The following PGAP3 variants were observed in gnomAD, a reference collection of about 807,000 sequenced individuals.
PGAP3 encodes the protein post-GPI attachment to proteins phospholipase 3.
Under a neutral mutation model 40.3 loss-of-function variants are expected in PGAP3, and 31 were observed. The observed-to-expected ratio is 0.77, with a 90% confidence interval of 0.58 to 1.04. The LOEUF is 1.04. Among genes scored for constraint, PGAP3 ranks in the 50% least tolerant of loss-of-function variants. The probability of loss-of-function intolerance (pLI) is 0.00; values close to 1 mark genes in which losing one functional copy is unlikely to be tolerated. For missense variants in PGAP3, 413 were observed against 423.0 expected (o/e 0.98, Z 0.21); for synonymous variants, 191 against 184.5 (o/e 1.04, Z -0.29).
chr17:39,684,518 CTGT>C, intron 3 of PGAP3, 76 bp downstream of exon 3: 1 of 1,454,366 alleles, frequency 6.9e-7, no homozygotes, highest in Non-Finnish European at 9.2e-7. Context: ...AGTAGAAGCC[CTGT>C]TGGGTGTTAA....
chr17:39,678,332 G>A (rs2057400344), intron 3 of PGAP3, among the ~76,000 whole-genome samples: 1 of 152,210 alleles, frequency 6.6e-6, no homozygotes, highest in African/African-American at 2.4e-5. Context: ...TACACCTGAG[G>A]ACCTTTCCTG....
Position 39,687,924 on chromosome 17 carries a change from C to T in PGAP3, c.91G>A (p.Asp31Asn), listed in dbSNP as rs904663988. The change falls in exon 1 of 8, where the codon GAC becomes AAC. Residue 31 changes from aspartate (D) to asparagine (N), a missense_variant. By Grantham distance (23) the Asp-to-Asn change is conservative (BLOSUM62 1). Coordinates refer to ENST00000300658, the MANE Select transcript of PGAP3 (RefSeq NM_033419.5). ...SQGDREPVYRDCVLQCEEQNC... is the reference protein window; with the variant it reads ...SQGDREPVYRNCVLQCEEQNC... ...TGCTCTTCGCACTGCAGTACGCAGT[C>T]GCGGTACACCGGCTCACGGTCGCCC... The T allele has an allele frequency of 6.7e-7, 1 of 1,500,566 alleles. No individual in the cohort carries two copies. The highest frequency in any genetic ancestry group is 9.0e-7 in the Non-Finnish European group (1 of 1,113,090). The allele number at this position is 1,500,566 out of a possible 1,614,324, so 93.0% of individuals were successfully genotyped here. A position where few individuals can be genotyped will look rare whatever the true frequency, so the allele number is the denominator to read the frequency against.
At chr17:39,677,238 C>A (rs774967769) in intron 3 of PGAP3, among the ~76,000 whole-genome samples, 1 of 152,194 alleles carries the variant, frequency 6.6e-6, no homozygotes, top group Non-Finnish European at 1.5e-5. Flanking sequence ...GCTGGTTTTG[C>A]TGCCTGGTCC....
In PGAP3 at chr17:39,673,097, C is replaced by A. The variant is rs1442896798; in HGVS notation, c.853G>T (p.Ala285Ser). 6.2e-7 allele frequency: 1 copy of A among 1,609,330 alleles called. No homozygotes were observed. Among genetic ancestry groups the A allele is most frequent in the Non-Finnish European group, 8.5e-7 (1 of 1,178,224 alleles). ...GGGATGGTGCTGATGTGCCAGATGG[C>A]ATGGGCATCCAGGACCCAGAAGAGC... ...PPLFWVLDAHAIWHISTIPVH... is the reference protein window; with the variant it reads ...PPLFWVLDAHSIWHISTIPVH... The change falls in exon 7 of 8, where the codon GCC (alanine) becomes TCC (serine). Residue 285 changes from alanine to serine, a missense_variant. Physicochemically the swap from Ala to Ser is moderately conservative, Grantham distance 99. Coordinates refer to ENST00000300658, the MANE Select transcript of PGAP3 (RefSeq NM_033419.5).
intron 2 of PGAP3, among the ~76,000 whole-genome samples, chr17:39,685,678 C>G (rs377111627): frequency 7.9e-5 from 12 of 151,948 alleles, no homozygotes; most frequent in Non-Finnish European, 1.5e-4. Flanking sequence ...TCTAAGAGGC[C>G]CAGCACCACT....
chr17:39,687,744 C>T, intron 1 of PGAP3, 90 bp downstream of exon 1: 1 of 1,074,218 alleles, frequency 9.3e-7, no homozygotes, highest in East Asian at 3.2e-5. Context: ...CGTGGGGAAA[C>T]TAAGGTTCAG....
intron 3 of PGAP3, among the ~76,000 whole-genome samples, chr17:39,676,124 C>T (rs1373978353): frequency 6.6e-6 from 1 of 152,224 alleles, no homozygotes; most frequent in Non-Finnish European, 1.5e-5. Context: ...CACAACAGGA[C>T]TGAACCTGGT....
At chr17:39,682,854 G>A (rs762521953) in intron 3 of PGAP3, among the ~76,000 whole-genome samples, 37 of 151,992 alleles carry the variant, frequency 2.4e-4, no homozygotes, top group Non-Finnish European at 5.3e-4. Context: ...TGAGGTGGGC[G>A]GATCACGAGG....
chr17:39,677,175 A>G (rs1279042911), intron 3 of PGAP3, among the ~76,000 whole-genome samples: 1 of 152,224 alleles, frequency 6.6e-6, no homozygotes, highest in Admixed American at 6.5e-5. Flanking sequence ...ACAGGAGGCC[A>G]TGAGGACGAG....
Position 39,684,704 on chromosome 17 carries a change from C to T in PGAP3, c.325G>A (p.Val109Met), listed in dbSNP as rs752623171. Residue 109 changes from valine (V) to methionine (M), a missense_variant, in exon 3 of 8, where the codon GTG becomes ATG. Val to Met is a conservative substitution (Grantham distance 21, BLOSUM62 1). Transcript: ENST00000300658. ...GCCAGGCCATTGAGAAACGAGGCCA[C>T]GGCCGATGCCGGCTCTTGAAAGAAC... is the stretch of plus-strand genomic sequence containing the variant. ...FLFFQEPASA[V>M]ASFLNGLASL... 15 of 1,612,792 alleles carry T rather than the reference C, an allele frequency of 9.3e-6. No homozygotes were observed. Among genetic ancestry groups the T allele is most frequent in the South Asian group, 8.8e-5 (8 of 90,858 alleles).
In PGAP3 at chr17:39,674,168, C is replaced by T. The variant is rs957988207; in HGVS notation, c.496-114G>A. On this transcript the variant is annotated intron_variant, in intron 4 of 7. Coordinates refer to ENST00000300658, the MANE Select transcript of PGAP3 (RefSeq NM_033419.5). ...GGGCCGGGGTCCTGGGCCTGCCTATCACTGTTTCACTCTGACTGAGTCTTG... is the reference window on the plus strand; with the variant it reads ...GGGCCGGGGTCCTGGGCCTGCCTATTACTGTTTCACTCTGACTGAGTCTTG... 4.0e-5 allele frequency: 40 copies of T among 1,000,618 alleles called. No individual in the cohort carries two copies. The Admixed American group carries it at 7.6e-4, about 19-fold the overall frequency. 62.0% of individuals were successfully genotyped at this position (1,000,618 alleles called of 1,614,324 possible).
intron 2 of PGAP3, 190 bp from the exon 3 acceptor site, chr17:39,684,939 C>A (rs950943224): frequency 7.6e-6 from 5 of 656,720 alleles, no homozygotes; most frequent in East Asian, 3.0e-5. Context: ...AAGAGTTATA[C>A]CCCCATCCTG....
rs760955464 is a variant in PGAP3 at position 39,672,867 on chromosome 17, CT to C, written c.900-2del. On this transcript the variant is annotated splice_acceptor_variant, in intron 7 of 7. Transcript: ENST00000300658. LOFTEE classifies it high-confidence loss of function. ...GTACAGGCTGTCATCTTCCAGAAAGCTGTGGGCCAAAGGAGTAGCCCATTGA... is the reference window on the plus strand; with the variant it reads ...GTACAGGCTGTCATCTTCCAGAAAGCGTGGGCCAAAGGAGTAGCCCATTGA... 2 of 1,614,098 alleles carry C rather than the reference CT, an allele frequency of 1.2e-6. No individual in the cohort carries two copies. The highest frequency in any genetic ancestry group is 4.5e-5 in the East Asian group (2 of 44,884).
chr17:39,674,828 C>T, intron 3 of PGAP3, 149 bp from the exon 4 acceptor site: 2 of 801,622 alleles, frequency 2.5e-6, no homozygotes, highest in Non-Finnish European at 3.9e-6. Context: ...TCTGAACAAA[C>T]CTATGTCCCT....
At chr17:39,679,561 G>A (rs1193241439) in intron 3 of PGAP3, among the ~76,000 whole-genome samples, 1 of 152,172 alleles carries the variant, frequency 6.6e-6, no homozygotes, top group East Asian at 1.9e-4. Flanking sequence ...AGCAGTGTCC[G>A]TGGAAGAACC....
At chr17:39,673,937 C>A in intron 5 of PGAP3, 56 bp downstream of exon 5, 1 of 1,570,080 alleles carries the variant, frequency 6.4e-7, no homozygotes, top group Non-Finnish European at 8.8e-7. Context: ...GGCTGGGTGA[C>A]CCCTTTCTGC....
At chr17:39,685,690 T>C (rs959432538) in intron 2 of PGAP3, among the ~76,000 whole-genome samples, 3 of 152,174 alleles carry the variant, frequency 2.0e-5, no homozygotes, top group Non-Finnish European at 4.4e-5. Flanking sequence ...AGCACCACTC[T>C]CTGGGGAGAC....
chr17:39,681,334 C>T (rs757861042), intron 3 of PGAP3, among the ~76,000 whole-genome samples: 1 of 152,050 alleles, frequency 6.6e-6, no homozygotes, highest in African/African-American at 2.4e-5. Context: ...CTGGACTTAA[C>T]CTTTTCAGTC....
Position 39,688,057 on chromosome 17 carries a change from T to C in PGAP3, c.-43A>G. On this transcript the variant is annotated 5_prime_UTR_variant, in exon 1 of 8. Coordinates refer to ENST00000300658, the MANE Select transcript of PGAP3 (RefSeq NM_033419.5). ...CCGCCGGGGGAGGAGCTTAGGAGTA[T>C]GAAGCTTCCACTTCCGGAGTAACCG... 7.6e-7 allele frequency: 1 copy of C among 1,320,348 alleles called. No homozygotes were observed. The highest frequency in any genetic ancestry group is 1.9e-5 in the South Asian group (1 of 51,736). 81.8% of individuals were successfully genotyped at this position (1,320,348 alleles called of 1,614,324 possible).
Sources: allele counts gnomAD v4.1 joint callset (sites outside exome capture counted in the v4.1 genomes callset), GRCh38; gene constraint gnomAD v4.1.1; transcripts MANE v1.5; gene names NCBI Gene and HGNC (gene_info 2026-07-23, HGNC 2026-07-21).